Variants in CNTNAP5 observed in about 807,000 individuals in gnomAD.
CNTNAP5 encodes contactin associated protein family member 5, also known as contactin-associated protein-like 5.
Under a neutral mutation model 150.2 loss-of-function variants are expected in CNTNAP5, and 72 were observed. The ratio of observed to expected loss-of-function variants is 0.48; its 90% confidence interval spans 0.40 to 0.58. The LOEUF is 0.58. Among genes scored for constraint, CNTNAP5 ranks in the 20% least tolerant of loss-of-function variants. The pLI, the probability that CNTNAP5 is intolerant of heterozygous loss-of-function variation, is 0.00. For missense variants in CNTNAP5, 1,636 were observed against 1,626.2 expected (o/e 1.01, Z -0.10); for synonymous variants, 672 against 619.8 (o/e 1.08, Z -1.25).
Position 124,605,794 on chromosome 2 carries a change from C to T in CNTNAP5, c.1757-4007C>T, listed in dbSNP as rs12104540. Reference sequence around the variant, plus strand: ...GCCACTGCATTCCAGCCTGGGTGACCGAGCAAGACTCTGTCAAAAAAAAAA... The same window carrying T: ...GCCACTGCATTCCAGCCTGGGTGACTGAGCAAGACTCTGTCAAAAAAAAAA... On this transcript the variant is annotated intron_variant, in intron 11 of 23. Transcript: ENST00000682447. 3.9e-5 allele frequency among the ~76,000 whole-genome samples: 5 copies of T among 129,318 alleles called. No homozygotes were observed. In the East Asian group the frequency reaches 9.2e-4, roughly 24 times the overall value. 84.8% of individuals were successfully genotyped at this position (129,318 alleles called of 152,430 possible).
chr2:124,566,744 C>A (rs1407554344), intron 11 of CNTNAP5, among the ~76,000 whole-genome samples: 1 of 152,180 alleles, frequency 6.6e-6, no homozygotes, highest in Non-Finnish European at 1.5e-5. Flanking sequence ...ATTTCCCCCT[C>A]CCCCAGTTGA....
intron 3 of CNTNAP5, among the ~76,000 whole-genome samples, chr2:124,299,585 T>G (rs993607931): frequency 1.3e-5 from 2 of 151,948 alleles, no homozygotes; most frequent in African/African-American, 4.8e-5. Context: ...ATCGAGTCTA[T>G]CATTGATGAG....
At position 124,711,124 on chromosome 2, in the gene CNTNAP5, A is replaced by T. The variant is rs1679797943; in HGVS notation, c.2078-36105A>T. ...CATCTCTACTCAAAATACACAAATT[A>T]GCCAGGTGTGGTGGCACGCACCTGT... On this transcript the variant is annotated intron_variant, in intron 13 of 23. Coordinates refer to ENST00000682447, the MANE Select transcript of CNTNAP5 (RefSeq NM_001367498.1). Among the ~76,000 whole-genome samples, 6 of 152,148 alleles carry T rather than the reference A, an allele frequency of 3.9e-5. No individual in the cohort carries two copies. In the South Asian group the frequency reaches 6.2e-4, roughly 16 times the overall value.
At chr2:124,200,984 C>A (rs547913992) in intron 1 of CNTNAP5, among the ~76,000 whole-genome samples, 1 of 152,242 alleles carries the variant, frequency 6.6e-6, no homozygotes, top group Non-Finnish European at 1.5e-5. Flanking sequence ...GTCAATATTT[C>A]TCTGGGGATC....
intron 10 of CNTNAP5, among the ~76,000 whole-genome samples, chr2:124,549,355 G>A (rs1695581380): frequency 6.6e-6 from 1 of 152,190 alleles, no homozygotes; most frequent in Non-Finnish European, 1.5e-5. Context: ...GTCCTTTTTG[G>A]CTTGCACTAT....
At chr2:124,219,948 A>G (rs556296144) in intron 1 of CNTNAP5, among the ~76,000 whole-genome samples, 18 of 152,118 alleles carry the variant, frequency 1.2e-4, no homozygotes, top group African/African-American at 3.9e-4. Context: ...TCGGTTTTGT[A>G]TTTGTCAAAT....
intron 11 of CNTNAP5, among the ~76,000 whole-genome samples, chr2:124,593,188 G>T (rs1481824252): frequency 6.9e-6 from 1 of 145,286 alleles, no homozygotes; most frequent in Non-Finnish European, 1.5e-5. Context: ...ACATAGTGCA[G>T]GTTAGTTACA....
intron 22 of CNTNAP5, among the ~76,000 whole-genome samples, chr2:124,904,597 T>C (rs1678489020): frequency 6.6e-6 from 1 of 152,162 alleles, no homozygotes; most frequent in South Asian, 2.1e-4. Context: ...AACTAATCTT[T>C]GGCAAAATTT....
At position 124,837,781 on chromosome 2, in the gene CNTNAP5, A is replaced by C. The variant is rs373905434; in HGVS notation, c.3218-27525A>C. On this transcript the variant is annotated intron_variant, in intron 19 of 23. Coordinates refer to ENST00000682447, the MANE Select transcript of CNTNAP5 (RefSeq NM_001367498.1). Reference sequence around the variant, plus strand: ...TCCCCTTCACTAGGCAGAAATTTGAACTTGAGATGAGGATTAGGCCTTTCA... The same window carrying C: ...TCCCCTTCACTAGGCAGAAATTTGACCTTGAGATGAGGATTAGGCCTTTCA... 2.8e-4 allele frequency among the ~76,000 whole-genome samples: 43 copies of C among 152,288 alleles called. 1 individual carries two copies. Among genetic ancestry groups the C allele is most frequent in the Middle Eastern group, 3.4e-3 (1 of 294 alleles).
intron 18 of CNTNAP5, among the ~76,000 whole-genome samples, chr2:124,795,987 T>C (rs1051548365): frequency 1.3e-5 from 2 of 152,138 alleles, no homozygotes; most frequent in Non-Finnish European, 2.9e-5. Context: ...TTATCCTTTT[T>C]GGCCAGTGGT....
At chr2:124,353,286 CAA>C (rs565907115) in intron 3 of CNTNAP5, among the ~76,000 whole-genome samples, 7,445 of 88,358 alleles carry the variant, frequency 0.084, 251 homozygotes, top group African/African-American at 0.15. Flanking sequence ...AAAAACAGAC[CAA>C]AAAAAAAAAA....
chr2:124,441,381 A>AG (rs1284188663), intron 5 of CNTNAP5, among the ~76,000 whole-genome samples: 8 of 150,838 alleles, frequency 5.3e-5, no homozygotes, highest in East Asian at 1.9e-4. Flanking sequence ...CACACAGAAA[A>AG]GAAAAAAAAA....
intron 4 of CNTNAP5, among the ~76,000 whole-genome samples, chr2:124,419,135 CT>C (rs1692008426): frequency 1.2e-3 from 1 of 832 alleles, no homozygotes; most frequent in African/African-American, 1.4e-3. Flanking sequence ...AGCGAGACTC[CT>C]TCTCAAAAAA....
chr2:124,770,984 TC>T (rs1199209622), intron 16 of CNTNAP5, among the ~76,000 whole-genome samples: 2 of 152,182 alleles, frequency 1.3e-5, no homozygotes, highest in African/African-American at 4.8e-5. Context: ...AGCTCTTAAA[TC>T]CCATTCTTAC....
chr2:124,169,071 G>C (rs1373909008), intron 1 of CNTNAP5, among the ~76,000 whole-genome samples: 1 of 151,232 alleles, frequency 6.6e-6, no homozygotes, highest in Non-Finnish European at 1.5e-5. Flanking sequence ...TCCATGTTTT[G>C]TTTCTTGATG....
chr2:124,201,819 T>A (rs188227996), intron 1 of CNTNAP5, among the ~76,000 whole-genome samples: 1 of 152,354 alleles, frequency 6.6e-6, no homozygotes, highest in East Asian at 1.9e-4. Flanking sequence ...CAAAAGTCTA[T>A]GATACAAGCT....
At chr2:124,408,543 G>C (rs2553621) in intron 3 of CNTNAP5, among the ~76,000 whole-genome samples, 50,901 of 150,428 alleles carry the variant, frequency 0.34, 9,735 homozygotes, top group African/African-American at 0.54. Flanking sequence ...ATCTGAGAAC[G>C]GGCAGACTGC....
chr2:124,630,280 C>G lies in CNTNAP5; in HGVS notation c.1877-17478C>G, dbSNP rs12989768. Among the ~76,000 whole-genome samples the G allele has an allele frequency of 4.5e-4, 68 of 152,078 alleles. 1 individual carries two copies. In the South Asian group the frequency reaches 0.012, roughly 28 times the overall value. The stretch of plus-strand genomic sequence containing the variant: ...GGCAGAGATAAAACAAAAAAGAAAA[C>G]TTCAGGCCAATATCCCTGATGAACA... On this transcript the variant is annotated intron_variant, in intron 12 of 23. Coordinates refer to ENST00000682447, the MANE Select transcript of CNTNAP5 (RefSeq NM_001367498.1).
At chr2:124,890,600 C>T (rs964607116) in intron 21 of CNTNAP5, among the ~76,000 whole-genome samples, 1 of 152,112 alleles carries the variant, frequency 6.6e-6, no homozygotes, top group Non-Finnish European at 1.5e-5. Flanking sequence ...ACCATCCATT[C>T]GTCAATTGGT....
Sources: gnomAD v4.1 joint callset for allele counts (sites outside exome capture counted in the v4.1 genomes callset) on GRCh38, gnomAD v4.1.1 for gene constraint, MANE v1.5 for transcripts, NCBI Gene and HGNC (gene_info 2026-07-23, HGNC 2026-07-21) for gene names.